The following GLIS1 variants were observed in gnomAD, a reference collection of about 807,000 sequenced individuals.
GLIS1 encodes the protein zinc finger protein GLIS1.
Under a neutral mutation model 63.8 loss-of-function variants are expected in GLIS1, and 24 were observed. The ratio of observed to expected loss-of-function variants is 0.38; its 90% confidence interval spans 0.27 to 0.53. The LOEUF is 0.53. GLIS1 is among the 20% of genes least tolerant of loss of function. The pLI, the probability that GLIS1 is intolerant of heterozygous loss-of-function variation, is 0.85. For missense variants in GLIS1, 1,036 were observed against 1,074.1 expected, an observed-to-expected ratio of 0.96 and a Z score of 0.50; for synonymous variants, 450 against 482.5, an observed-to-expected ratio of 0.93 and a Z score of 0.88.
intron 8 of GLIS1, among the ~76,000 whole-genome samples, chr1:53,513,933 T>A (rs1644323189): frequency 6.6e-6 from 1 of 152,106 alleles, no homozygotes; most frequent in Non-Finnish European, 1.5e-5. Context: ...GGGGACAAGG[T>A]GATCAGCAAA....
At chr1:53,709,362 A>C (rs1159817711) in intron 2 of GLIS1, among the ~76,000 whole-genome samples, 1 of 79,462 alleles carries the variant, frequency 1.3e-5, no homozygotes. Flanking sequence ...ATATATACAT[A>C]TACATATATA....
In GLIS1 at chr1:53,577,734, C is replaced by T. The variant is rs1002095649; in HGVS notation, c.1320+16374G>A. On this transcript the variant is annotated intron_variant, in intron 4 of 10. Transcript: ENST00000628545. Reference sequence around the variant, plus strand: ...TCCTGCCTGTTTTGAGTCTGATCCTCTTCCCTTGGACAGATAGCCTGTGGT... The same window carrying T: ...TCCTGCCTGTTTTGAGTCTGATCCTTTTCCCTTGGACAGATAGCCTGTGGT... Among the ~76,000 whole-genome samples, 16 of 152,176 alleles carry T rather than the reference C, an allele frequency of 1.1e-4. 1 individual carries two copies. Among genetic ancestry groups the T allele is most frequent in the Admixed American group, 1.0e-3 (16 of 15,292 alleles).
At chr1:53,720,792 A>G (rs1350150344) in intron 2 of GLIS1, among the ~76,000 whole-genome samples, 1 of 152,092 alleles carries the variant, frequency 6.6e-6, no homozygotes. Context: ...AAAGAAATAA[A>G]CTAGTTTCTG....
rs956897050 is a variant in GLIS1, at chr1:53,639,375, A to C, written c.260-39097T>G. ...TCCTTCCCATCTCCCATTGGCCCGC[A>C]GGGTGGCAGCAGCCGTCTGGGAGGC... On this transcript the variant is annotated intron_variant, in intron 2 of 10. Coordinates refer to ENST00000628545, the MANE Select transcript of GLIS1 (RefSeq NM_001367484.1). The surrounding 1 kb of genome is among the most constrained non-coding windows in gnomAD (Gnocchi z 4.6). 1.3e-5 allele frequency among the ~76,000 whole-genome samples: 2 copies of C among 151,952 alleles called. No homozygotes were observed. The highest frequency in any genetic ancestry group is 4.8e-5 in the African/African-American group (2 of 41,338).
chr1:53,525,476 T>G (rs1262895997), intron 5 of GLIS1, among the ~76,000 whole-genome samples: 9 of 97,768 alleles, frequency 9.2e-5, no homozygotes, highest in East Asian at 3.2e-4. Flanking sequence ...CTGGGGAGGC[T>G]GGGGAGTCTG....
intron 5 of GLIS1, among the ~76,000 whole-genome samples, chr1:53,527,972 G>GGGAGGGA (rs1393728975): frequency 6.6e-6 from 1 of 152,236 alleles, no homozygotes; most frequent in African/African-American, 2.4e-5. Context: ...GCAGTAAGGA[G>GGGAGGGA]GGAGGGAGGA....
chr1:53,506,606 T>C lies in GLIS1; in HGVS notation c.*13A>G, dbSNP rs1644234338. On this transcript the variant is annotated 3_prime_UTR_variant, in exon 11 of 11. Coordinates refer to ENST00000628545, the MANE Select transcript of GLIS1 (RefSeq NM_001367484.1). The stretch of plus-strand genomic sequence containing the variant: ...CTGCAGTGCTGGATGGGCAGGCGCA[T>C]GTGGGGGCTCCTTCAGGTGTCTGTG... 3 of 1,612,662 alleles carry C rather than the reference T, an allele frequency of 1.9e-6. No individual in the cohort carries two copies. The highest frequency in any genetic ancestry group is 4.5e-5 in the East Asian group (2 of 44,846).
intron 2 of GLIS1, among the ~76,000 whole-genome samples, chr1:53,645,182 G>C (rs569161043): frequency 3.3e-4 from 50 of 152,260 alleles, no homozygotes; most frequent in Non-Finnish European, 6.8e-4. Flanking sequence ...CTCCCCCCCA[G>C]ACATCTGCAT....
intron 4 of GLIS1, among the ~76,000 whole-genome samples, chr1:53,552,107 C>A (rs980614242): frequency 6.6e-6 from 1 of 152,052 alleles, no homozygotes; most frequent in Non-Finnish European, 1.5e-5. Context: ...CTAATCACCC[C>A]CAAAGCTTAA....
intron 2 of GLIS1, among the ~76,000 whole-genome samples, chr1:53,631,885 G>A (rs1391848916): frequency 6.6e-6 from 1 of 152,120 alleles, no homozygotes; most frequent in Non-Finnish European, 1.5e-5. Flanking sequence ...GGATCAGCAA[G>A]AAGCCAGTGG....
chr1:53,638,378 C>T (rs1645749330), intron 2 of GLIS1, among the ~76,000 whole-genome samples: 2 of 137,692 alleles, frequency 1.5e-5, no homozygotes, highest in Non-Finnish European at 3.3e-5. Flanking sequence ...AAAACAGACA[C>T]TGGCCCCAAG....
At chr1:53,706,904 T>A (rs929607765) in intron 2 of GLIS1, among the ~76,000 whole-genome samples, 56 of 152,332 alleles carry the variant, frequency 3.7e-4, no homozygotes, top group African/African-American at 1.3e-3. Context: ...GTTTGCATAG[T>A]GCACGAAAAG....
intron 2 of GLIS1, among the ~76,000 whole-genome samples, chr1:53,655,081 C>G (rs933919489): frequency 6.6e-6 from 1 of 152,182 alleles, no homozygotes; most frequent in Non-Finnish European, 1.5e-5. Context: ...GACGCTCACA[C>G]ACCCCAGAGG....
chr1:53,688,226 C>T (rs1364934669), intron 2 of GLIS1, among the ~76,000 whole-genome samples: 1 of 152,258 alleles, frequency 6.6e-6, no homozygotes, highest in Non-Finnish European at 1.5e-5. Flanking sequence ...ACGGGCTCAT[C>T]GCTCCCTCCT....
At chr1:53,650,525 G>T (rs1032969949) in intron 2 of GLIS1, among the ~76,000 whole-genome samples, 1 of 149,836 alleles carries the variant, frequency 6.7e-6, no homozygotes, top group African/African-American at 2.5e-5. Context: ...GGGAGGATGA[G>T]GTTGCAGTGA....
chr1:53,547,090 T>C (rs962953609), intron 4 of GLIS1, among the ~76,000 whole-genome samples: 1 of 152,228 alleles, frequency 6.6e-6, no homozygotes, highest in African/African-American at 2.4e-5. Flanking sequence ...TAGCCACCCT[T>C]GTTTCACCTC....
At chr1:53,577,593 C>T (rs774264812) in intron 4 of GLIS1, among the ~76,000 whole-genome samples, 2 of 152,184 alleles carry the variant, frequency 1.3e-5, no homozygotes, top group Non-Finnish European at 2.9e-5. Context: ...CTGAGGGCAG[C>T]CAGGCCTGGC....
chr1:53,721,425 G>A (rs966215446), intron 2 of GLIS1, among the ~76,000 whole-genome samples: 2 of 152,146 alleles, frequency 1.3e-5, no homozygotes, highest in Non-Finnish European at 2.9e-5. Context: ...AGCCTGGACC[G>A]TAAACACCAC....
At chr1:53,595,099 G>T in intron 3 of GLIS1, 109 bp from the exon 4 acceptor site, 1 of 973,746 alleles carries the variant, frequency 1.0e-6, no homozygotes, top group African/African-American at 1.7e-5. Flanking sequence ...ACAAGCCCAG[G>T]GCAGGAGGCA....
Sources: allele counts gnomAD v4.1 joint callset (sites outside exome capture counted in the v4.1 genomes callset), GRCh38; gene constraint gnomAD v4.1.1; non-coding constraint Gnocchi (gnomAD v3.1); transcripts MANE v1.5; gene names NCBI Gene and HGNC (gene_info 2026-07-23, HGNC 2026-07-21).